TMEM132B: variants seen among roughly 807,000 people sequenced by gnomAD.
TMEM132B encodes the protein transmembrane protein 132B.
Under a neutral mutation model 90.8 loss-of-function variants are expected in TMEM132B, and 18 were observed. That is an observed-to-expected ratio of 0.20 (90% confidence interval 0.14 to 0.29). TMEM132B has a LOEUF of 0.29. Ranked by LOEUF, TMEM132B falls within the 10% of genes least tolerant of loss-of-function variation. The probability of loss-of-function intolerance (pLI) is 1.00; values close to 1 mark genes in which losing one functional copy is unlikely to be tolerated. For missense variants in TMEM132B, 1,096 were observed against 1,326.8 expected (o/e 0.83, Z 2.70); for synonymous variants, 504 against 523.3 (o/e 0.96, Z 0.50).
At chr12:125,247,727 G>A (rs1403917255) in intron 1 of TMEM132B, among the ~76,000 whole-genome samples, 1 of 152,162 alleles carries the variant, frequency 6.6e-6, no homozygotes, top group Non-Finnish European at 1.5e-5. Flanking sequence ...TCAGAGCATA[G>A]CATTTCCCCT....
In TMEM132B at chr12:125,216,239, C is replaced by T. The variant is rs545911552; in HGVS notation, c.67+29373C>T. ...TGGTGAGGGCTCCCTTCCTGGCTTGCAGATGGCAGCCTCCTCTCTGTGTCC... is the reference window on the plus strand; with the variant it reads ...TGGTGAGGGCTCCCTTCCTGGCTTGTAGATGGCAGCCTCCTCTCTGTGTCC... On this transcript the variant is annotated intron_variant, in intron 1 of 8. Coordinates refer to ENST00000682704, the MANE Select transcript of TMEM132B (RefSeq NM_001366854.1). 2.6e-5 allele frequency among the ~76,000 whole-genome samples: 4 copies of T among 152,288 alleles called. 1 individual carries two copies. The South Asian group carries it at 8.3e-4, about 32-fold the overall frequency.
chr12:125,445,365 A>G lies in TMEM132B; in HGVS notation c.1106+29688A>G, dbSNP rs1218088421. On this transcript the variant is annotated intron_variant, in intron 3 of 8. Transcript: ENST00000682704. This position sits in a 1 kb window ranked among gnomAD's most constrained non-coding sequence, Gnocchi z 4.3. Reference sequence around the variant, plus strand: ...GTAAATTGGCTATACTAATGTACCTACCTTTCCCAGTTATAAATGTATTAC... The same window carrying G: ...GTAAATTGGCTATACTAATGTACCTGCCTTTCCCAGTTATAAATGTATTAC... Among the ~76,000 whole-genome samples, 1 of 152,092 alleles carries G rather than the reference A, an allele frequency of 6.6e-6. No homozygotes were observed. The highest frequency in any genetic ancestry group is 1.5e-5 in the Non-Finnish European group (1 of 68,020).
intron 1 of TMEM132B, among the ~76,000 whole-genome samples, chr12:125,262,019 A>G (rs1015533378): frequency 6.6e-6 from 1 of 152,178 alleles, no homozygotes; most frequent in African/African-American, 2.4e-5. Flanking sequence ...AATATGAGTC[A>G]GAAAGAAATA....
chr12:125,448,574 A>C (rs1173575752), intron 3 of TMEM132B, among the ~76,000 whole-genome samples: 1 of 152,140 alleles, frequency 6.6e-6, no homozygotes, highest in Non-Finnish European at 1.5e-5. Context: ...CATTGTATAG[A>C]TATAATTTAT....
At position 125,403,309 on chromosome 12, in the gene TMEM132B, T is replaced by C. The variant is rs966511552; in HGVS notation, c.960-12222T>C. ...CTGGTGGCCCCTCAGGCCACATCCT[T>C]TGGACTGTCTCATGCTGTGAGGGGC... On this transcript the variant is annotated intron_variant, in intron 2 of 8. Transcript: ENST00000682704. Among the ~76,000 whole-genome samples the C allele has an allele frequency of 5.3e-5, 8 of 152,200 alleles. No homozygotes were observed. In the South Asian group the frequency reaches 1.7e-3, roughly 32 times the overall value.
At chr12:125,534,344 C>A (rs577815923) in intron 4 of TMEM132B, among the ~76,000 whole-genome samples, 2 of 152,256 alleles carry the variant, frequency 1.3e-5, no homozygotes, top group South Asian at 2.1e-4. Flanking sequence ...TAGTGAGACT[C>A]CTATCTCTAC....
At chr12:125,212,967 A>G (rs915210263) in intron 1 of TMEM132B, among the ~76,000 whole-genome samples, 8 of 152,160 alleles carry the variant, frequency 5.3e-5, no homozygotes, top group African/African-American at 1.9e-4. Flanking sequence ...TTTAAAGTGT[A>G]CAAGTCCGTG....
At chr12:125,208,002 C>T (rs1052826929) in intron 1 of TMEM132B, among the ~76,000 whole-genome samples, 3 of 152,166 alleles carry the variant, frequency 2.0e-5, no homozygotes, top group Admixed American at 6.5e-5. Context: ...AATGGCTACC[C>T]GTGGCTAGCT....
intron 1 of TMEM132B, among the ~76,000 whole-genome samples, chr12:125,298,267 A>G (rs1875720308): frequency 6.6e-6 from 1 of 151,780 alleles, no homozygotes; most frequent in East Asian, 1.9e-4. Flanking sequence ...CAACAAAACA[A>G]AACAAAATGA....
chr12:125,227,405 A>C (rs1047883403), intron 1 of TMEM132B, among the ~76,000 whole-genome samples: 7 of 152,196 alleles, frequency 4.6e-5, no homozygotes, highest in African/African-American at 1.2e-4. Context: ...TCAAGGACAC[A>C]CAGCTCCAGG....
intron 2 of TMEM132B, among the ~76,000 whole-genome samples, chr12:125,409,575 T>TGGAGTGGAGTGGA (rs1879630348): frequency 8.4e-6 from 1 of 119,452 alleles, no homozygotes; most frequent in East Asian, 2.4e-4. Context: ...GTGGAGTGAG[T>TGGAGTGGAGTGGA]GGAGTGGAGT....
intron 1 of TMEM132B, among the ~76,000 whole-genome samples, chr12:125,299,578 A>G (rs12422494): frequency 0.09 from 13,745 of 152,244 alleles, 663 homozygotes; most frequent in Non-Finnish European, 0.11. Context: ...CTCTAGCCCC[A>G]TGCAGCCTGT....
chr12:125,307,904 T>C (rs1410875818), intron 1 of TMEM132B, among the ~76,000 whole-genome samples: 3 of 118,848 alleles, frequency 2.5e-5, no homozygotes, highest in African/African-American at 9.3e-5. Context: ...TAAATATATA[T>C]ATTAAGTATA....
chr12:125,311,984 G>A (rs1353621837), intron 1 of TMEM132B, among the ~76,000 whole-genome samples: 1 of 152,206 alleles, frequency 6.6e-6, no homozygotes, highest in East Asian at 1.9e-4. Flanking sequence ...TACAAACAAT[G>A]AGCACGCTCT....
intron 1 of TMEM132B, among the ~76,000 whole-genome samples, chr12:125,193,062 G>A (rs919274734): frequency 2.0e-5 from 3 of 152,164 alleles, no homozygotes; most frequent in African/African-American, 7.2e-5. Context: ...CAGGGCACGA[G>A]TCCCAGGACA....
chr12:125,527,050 C>G (rs1300121704), intron 4 of TMEM132B, among the ~76,000 whole-genome samples: 1 of 148,228 alleles, frequency 6.7e-6, no homozygotes, highest in Non-Finnish European at 1.5e-5. Flanking sequence ...ACCCATCCAC[C>G]CTTCCATCCA....
chr12:125,377,409 C>A (rs1213434708), intron 2 of TMEM132B, among the ~76,000 whole-genome samples: 2 of 152,120 alleles, frequency 1.3e-5, no homozygotes, highest in Non-Finnish European at 2.9e-5. Flanking sequence ...GGTTGGGTAG[C>A]AAGACCTTGA....
intron 3 of TMEM132B, among the ~76,000 whole-genome samples, chr12:125,485,238 T>C (rs1303072411): frequency 6.6e-6 from 1 of 152,222 alleles, no homozygotes; most frequent in Non-Finnish European, 1.5e-5. Context: ...GTTCTATAAA[T>C]GGCCTTCTAT....
At position 125,579,434 on chromosome 12, in the gene TMEM132B, TCA is replaced by T. The variant is rs1173950382; in HGVS notation, c.1294-4415_1294-4414del. ...TGGAGTGCAATAGCATGATCTCGGC[TCA>T]CTGCAATCTCTGCCTCCTGGGTTCA... On this transcript the variant is annotated intron_variant, in intron 4 of 8. Coordinates refer to ENST00000682704, the MANE Select transcript of TMEM132B (RefSeq NM_001366854.1). Among the ~76,000 whole-genome samples, 9 of 151,984 alleles carry T rather than the reference TCA, an allele frequency of 5.9e-5. No individual in the cohort carries two copies. The East Asian group carries it at 1.7e-3, about 29-fold the overall frequency.
Sources: gnomAD v4.1 joint callset for allele counts (sites outside exome capture counted in the v4.1 genomes callset) on GRCh38, gnomAD v4.1.1 for gene constraint, Gnocchi (gnomAD v3.1) non-coding constraint, MANE v1.5 for transcripts, NCBI Gene and HGNC (gene_info 2026-07-23, HGNC 2026-07-21) for gene names.